Variants in RXFP2 observed in about 807,000 individuals in gnomAD.
RXFP2 encodes the protein relaxin receptor 2.
Under a neutral mutation model 88.6 loss-of-function variants are expected in RXFP2, and 68 were observed. That is an observed-to-expected ratio of 0.77 (90% confidence interval 0.63 to 0.94). The LOEUF (loss-of-function observed/expected upper bound fraction) is 0.94, where lower values mean the gene tolerates loss of function less well. Among genes scored for constraint, RXFP2 ranks in the 40% least tolerant of loss-of-function variants. The probability of loss-of-function intolerance (pLI) is 0.00; values close to 1 mark genes in which losing one functional copy is unlikely to be tolerated. For missense variants in RXFP2, 791 were observed against 893.9 expected (o/e 0.88, Z 1.47); for synonymous variants, 329 against 306.8 (o/e 1.07, Z -0.76).
At chr13:31,759,394 A>AAAGAAAGAAAGAAAGAAAG (rs1872160101) in intron 2 of RXFP2, among the ~76,000 whole-genome samples, 1 of 145,090 alleles carries the variant, frequency 6.9e-6, no homozygotes, top group African/African-American at 2.5e-5. Context: ...AGAAAGAAAG[A>AAAGAAAGAAAGAAAGAAAG]AAGAAAGAAA....
At chr13:31,764,370 G>C (rs983875410) in intron 3 of RXFP2, among the ~76,000 whole-genome samples, 1 of 151,660 alleles carries the variant, frequency 6.6e-6, no homozygotes, top group Non-Finnish European at 1.5e-5. Flanking sequence ...TAGTAACTAC[G>C]TAAGTCCCTT....
At chr13:31,750,324 C>T (rs1375340197) in intron 1 of RXFP2, among the ~76,000 whole-genome samples, 1 of 151,938 alleles carries the variant, frequency 6.6e-6, no homozygotes, top group African/African-American at 2.4e-5. Context: ...AAATGTATTC[C>T]TTTGAAAAGA....
At chr13:31,800,355 G>C (rs959430055) in intron 17 of RXFP2, among the ~76,000 whole-genome samples, 1 of 152,190 alleles carries the variant, frequency 6.6e-6, no homozygotes, top group African/African-American at 2.4e-5. Flanking sequence ...CAGATCACGA[G>C]ATCAGGAGAT....
intron 5 of RXFP2, among the ~76,000 whole-genome samples, chr13:31,773,088 G>A (rs527858325): frequency 6.6e-6 from 1 of 152,142 alleles, no homozygotes; most frequent in Admixed American, 6.6e-5. Context: ...CATTGCATCA[G>A]TCTCAAGGCT....
intron 2 of RXFP2, 101 bp downstream of exon 2, chr13:31,758,505 T>G: frequency 7.1e-7 from 1 of 1,398,902 alleles, no homozygotes; most frequent in Non-Finnish European, 1.0e-6. Context: ...GAAAGCTGAT[T>G]TGGTGTTCTG....
chr13:31,757,546 T>G (rs1167536931), intron 1 of RXFP2, among the ~76,000 whole-genome samples: 1 of 152,220 alleles, frequency 6.6e-6, no homozygotes, highest in Non-Finnish European at 1.5e-5. Context: ...ACTCTCCTTT[T>G]GCAGGTATAT....
At chr13:31,781,616 A>G in intron 9 of RXFP2, 55 bp from the exon 10 acceptor site, 1 of 1,249,250 alleles carries the variant, frequency 8.0e-7, no homozygotes, top group Non-Finnish European at 1.2e-6. Flanking sequence ...AAGTATCTCT[A>G]AGCATATGAT....
chr13:31,797,280 G>C lies in RXFP2; in HGVS notation c.1866G>C (p.Gln622His). 2 of 1,614,004 alleles carry C rather than the reference G, an allele frequency of 1.2e-6. No individual in the cohort carries two copies. The highest frequency in any genetic ancestry group is 1.1e-5 in the South Asian group (1 of 91,074). The change falls in exon 17 of 18, where the codon CAG (glutamine) becomes CAC (histidine). Residue 622 changes from glutamine (Q) to histidine (H), a missense_variant. Physicochemically the swap from Gln to His is conservative, Grantham distance 24. Coordinates refer to ENST00000298386, the MANE Select transcript of RXFP2 (RefSeq NM_130806.5). ...MFCSIQKTAL[Q>H]TTEVRNCFGR... Reference sequence around the variant, plus strand: ...GTTCCATTCAAAAAACCGCCTTGCAGACCACAGAAGTAAGGAATTGTTTTG... The same window carrying C: ...GTTCCATTCAAAAAACCGCCTTGCACACCACAGAAGTAAGGAATTGTTTTG...
At position 31,761,997 on chromosome 13, in the gene RXFP2, A is replaced by G. The variant is rs1872323228; in HGVS notation, c.319+196A>G. Reference sequence around the variant, plus strand: ...GAAAACGACCATCTCCATTTATGCTATTTTCATGCATTACTCTCTGATTGC... The same window carrying G: ...GAAAACGACCATCTCCATTTATGCTGTTTTCATGCATTACTCTCTGATTGC... On this transcript the variant is annotated intron_variant, in intron 3 of 17. Coordinates refer to ENST00000298386, the MANE Select transcript of RXFP2 (RefSeq NM_130806.5). Among the ~76,000 whole-genome samples, 3 of 152,308 alleles carry G rather than the reference A, an allele frequency of 2.0e-5. No individual in the cohort carries two copies. The South Asian group carries it at 6.2e-4, about 32-fold the overall frequency.
chr13:31,760,870 A>C (rs1443736087), intron 2 of RXFP2, among the ~76,000 whole-genome samples: 1 of 152,202 alleles, frequency 6.6e-6, no homozygotes, highest in Non-Finnish European at 1.5e-5. Context: ...GAAGAGGAAA[A>C]TTTGGCAAAT....
At position 31,786,637 on chromosome 13, in the gene RXFP2, T is replaced by C. The variant is rs1593467424; in HGVS notation, c.1073T>C (p.Leu358Pro). 1.3e-6 allele frequency: 2 copies of C among 1,535,780 alleles called. No individual in the cohort carries two copies. Among genetic ancestry groups the C allele is most frequent in the East Asian group, 2.2e-5 (1 of 44,486 alleles). Residue 358 changes from leucine (L) to proline (P), a missense_variant and splice_region_variant, in exon 13 of 18, where the codon CTA becomes CCA. Leu to Pro is a moderately conservative substitution (Grantham distance 98, BLOSUM62 -3). Coordinates refer to ENST00000298386, the MANE Select transcript of RXFP2 (RefSeq NM_130806.5). The stretch of plus-strand genomic sequence containing the variant: ...GAAAGTCTTAAACAACTTCAGTCTC[T>C]GTAAGTGAAATATTACAATTATATT... ...QFESLKQLQS[L>P]DLERIEIPNI...
intron 5 of RXFP2, among the ~76,000 whole-genome samples, chr13:31,770,007 T>C (rs141647034): frequency 1.2e-3 from 185 of 152,360 alleles, no homozygotes; most frequent in Non-Finnish European, 2.1e-3. Context: ...ATCATCATCC[T>C]TCAGATAAGA....
At chr13:31,775,275 G>C (rs768331526) in intron 6 of RXFP2, 43 bp from the exon 7 acceptor site, 1 of 1,369,054 alleles carries the variant, frequency 7.3e-7, no homozygotes, top group Non-Finnish European at 1.0e-6. Context: ...GACTAAAATA[G>C]GGTATTGAGT....
chr13:31,765,834 T>C (rs919425556), intron 4 of RXFP2, 122 bp from the exon 5 acceptor site: 41 of 649,388 alleles, frequency 6.3e-5, no homozygotes, highest in Admixed American at 1.4e-4. Context: ...TATTGTCATG[T>C]TCAAATATGG....
At chr13:31,756,708 G>GC (rs1351666240) in intron 1 of RXFP2, among the ~76,000 whole-genome samples, 1 of 146,534 alleles carries the variant, frequency 6.8e-6, no homozygotes, top group African/African-American at 2.5e-5. Flanking sequence ...TGCAACCTCT[G>GC]CCCCCCAAGT....
At chr13:31,751,436 C>A (rs1197549227) in intron 1 of RXFP2, among the ~76,000 whole-genome samples, 1 of 152,188 alleles carries the variant, frequency 6.6e-6, no homozygotes, top group Admixed American at 6.5e-5. Flanking sequence ...GATCTTCATT[C>A]TTTGTGCATC....
rs184869915 is a variant in RXFP2 at position 31,777,423 on chromosome 13, C to T, written c.689C>T (p.Thr230Met). 1.8e-5 allele frequency: 29 copies of T among 1,611,042 alleles called. No individual in the cohort carries two copies. Among genetic ancestry groups the T allele is most frequent in the East Asian group, 1.3e-4 (6 of 44,854 alleles). Residue 230 changes from threonine to methionine, a missense_variant, in exon 8 of 18, where the codon ACG becomes ATG. Thr to Met is a moderately conservative substitution (Grantham distance 81, BLOSUM62 -1). Coordinates refer to ENST00000298386, the MANE Select transcript of RXFP2 (RefSeq NM_130806.5). Reference protein sequence around the residue: ...PITRISQRLFTGLNSLFFLSM... With the variant: ...PITRISQRLFMGLNSLFFLSM... ...ACCAGAATTTCACAGCGCTTGTTTA[C>T]GGGATTAAATTCCTTGTTTTTCCTG...
At chr13:31,789,937 T>C (rs1873720077) in intron 14 of RXFP2, among the ~76,000 whole-genome samples, 1 of 152,168 alleles carries the variant, frequency 6.6e-6, no homozygotes. Context: ...TTCCACATGG[T>C]TTTGTTCATT....
intron 1 of RXFP2, among the ~76,000 whole-genome samples, chr13:31,743,246 A>G (rs9603613): frequency 0.39 from 59,668 of 151,880 alleles, 11,938 homozygotes; most frequent in Admixed American, 0.46. Flanking sequence ...AGGCAAGCAG[A>G]TCACTGAAGT....
Sources: gnomAD v4.1 joint callset for allele counts (sites outside exome capture counted in the v4.1 genomes callset) on GRCh38, gnomAD v4.1.1 for gene constraint, MANE v1.5 for transcripts, NCBI Gene and HGNC (gene_info 2026-07-23, HGNC 2026-07-21) for gene names.